The following FGF11 variants were observed in gnomAD, a reference collection of about 807,000 sequenced individuals.
FGF11 encodes fibroblast growth factor 11, also known as fibroblast growth factor homologous factor 3.
FGF11 carries 25 observed loss-of-function variants against 25.1 expected under a neutral mutation model. The observed-to-expected ratio is 1.00, with a 90% CI of 0.73 to 1.39. FGF11 has a LOEUF of 1.39. FGF11 is among the 40% of genes most tolerant of loss of function. The pLI is 0.00. For missense variants in FGF11, 320 were observed against 311.0 expected (o/e 1.03, Z -0.22); for synonymous variants, 130 against 128.9 (o/e 1.01, Z -0.06).
intron 1 of FGF11, chr17:7,441,205 C>G: frequency 2.7e-6 from 1 of 374,444 alleles, no homozygotes. Context: ...TCTGGTTGAG[C>G]TGTAGGGTAG....
chr17:7,444,797 C>A lies in FGF11; in HGVS notation c.*1651C>A. The A allele has an allele frequency of 2.1e-6, 1 of 469,760 alleles. No individual in the cohort carries two copies. The highest frequency in any genetic ancestry group is 2.3e-5 in the South Asian group (1 of 44,362). 29.1% of individuals were successfully genotyped at this position (469,760 alleles called of 1,614,324 possible). ...GGTCACTTTTCCTTAGGCTGTTCTA[C>A]TTCTGGCTTGTTGCAAGAGGAGTAG... On this transcript the variant is annotated 3_prime_UTR_variant, in exon 5 of 5. Coordinates refer to ENST00000293829, the MANE Select transcript of FGF11 (RefSeq NM_004112.4).
At position 7,439,675 on chromosome 17, in the gene FGF11, G is replaced by C; in HGVS notation, c.55G>C (p.Gly19Arg). The change falls in exon 1 of 5, where the codon GGG (glycine) becomes CGG (arginine). Residue 19 changes from glycine to arginine, a missense_variant. By Grantham distance (125) the Gly-to-Arg change is moderately radical (BLOSUM62 -2). Coordinates refer to ENST00000293829, the MANE Select transcript of FGF11 (RefSeq NM_004112.4). ...IRQKREVREP[G>R]GSRPVSAQRR... is the part of the protein sequence containing the mutation. ...GCAGAAGCGGGAGGTCCGCGAGCCC[G>C]GGGGCAGCCGGCCGGTGTCGGCGCA... 6.5e-7 allele frequency: 1 copy of C among 1,532,010 alleles called. No individual in the cohort carries two copies. The allele number at this position is 1,532,010 out of a possible 1,614,324, so 94.9% of individuals were successfully genotyped here.
upstream of FGF11, chr17:7,439,054 T>G (rs181426089): frequency 6.6e-6 from 1 of 151,830 alleles, no homozygotes; most frequent in Non-Finnish European, 1.5e-5. Context: ...GGGATTTCAG[T>G]GAAAAAAGTG....
chr17:7,440,058 TC>T lies in FGF11; in HGVS notation c.193+246del, dbSNP rs1908243391. 4 of 390,590 alleles carry T rather than the reference TC, an allele frequency of 1.0e-5. No individual in the cohort carries two copies. The highest frequency in any genetic ancestry group is 6.2e-5 in the African/African-American group (3 of 48,112). The allele number at this position is 390,590 out of a possible 1,614,324, so 24.2% of individuals were successfully genotyped here. The stretch of plus-strand genomic sequence containing the variant: ...GGGGCTGCCTGGCGCCCCGAAAGCC[TC>T]GTAGTTCCTGCTCGTCCCCCCTTCC... On this transcript the variant is annotated intron_variant, in intron 1 of 4. Coordinates refer to ENST00000293829, the MANE Select transcript of FGF11 (RefSeq NM_004112.4). This position sits in a 1 kb window ranked among gnomAD's most constrained non-coding sequence, Gnocchi z 5.4.
rs376331038 is a variant in FGF11, at chr17:7,441,461, C to G, written c.194-10C>G. 11 of 1,613,850 alleles carry G rather than the reference C, an allele frequency of 6.8e-6. No individual in the cohort carries two copies. The highest frequency in any genetic ancestry group is 1.6e-4 in the Middle Eastern group (1 of 6,084). On this transcript the variant is annotated splice_polypyrimidine_tract_variant and intron_variant, in intron 1 of 4. Transcript: ENST00000293829. ...ATGTCATTTTCAAAGATGAATGTCT[C>G]TCTCTCCAGAGCCTCAGCTCAAAGG... is the stretch of plus-strand genomic sequence containing the variant.
At position 7,444,524 on chromosome 17, in the gene FGF11, A is replaced by T. The variant is rs1454734432; in HGVS notation, c.*1378A>T. 1 of 158,288 alleles carries T rather than the reference A, an allele frequency of 6.3e-6. No individual in the cohort carries two copies. Among genetic ancestry groups the T allele is most frequent in the African/African-American group, 2.4e-5 (1 of 41,438 alleles). 9.8% of individuals were successfully genotyped at this position (158,288 alleles called of 1,614,324 possible). A position where few individuals can be genotyped will look rare whatever the true frequency, so the allele number is the denominator to read the frequency against. On this transcript the variant is annotated 3_prime_UTR_variant, in exon 5 of 5. Transcript: ENST00000293829. ...GAAGGGTGAAGGCCTCTTGCACTCC[A>T]GACCTCATACGCCCCAACAGCTTCT... is the stretch of plus-strand genomic sequence containing the variant.
intron 2 of FGF11, 74 bp downstream of exon 2, chr17:7,441,655 C>G: frequency 6.3e-7 from 1 of 1,595,646 alleles, no homozygotes. Context: ...ATTCCCTCTT[C>G]AGCTTCTGTT....
Position 7,441,849 on chromosome 17 carries a change from C to T in FGF11, c.378C>T (p.Ala126=), listed in dbSNP as rs1371722208. The change falls in exon 3 of 5, where the codon GCC becomes GCT. Residue 126 remains alanine (A), a synonymous_variant. Transcript: ENST00000293829. ...GCGCCAAGCTGGGTCACTACATGGC[C>T]ATGAATGCTGAGGGACTGCTCTACA... The part of the protein sequence containing the change: ...IQSAKLGHYM[A]MNAEGLLYSS... 6.2e-7 allele frequency: 1 copy of T among 1,612,102 alleles called. No individual in the cohort carries two copies. The highest frequency in any genetic ancestry group is 8.5e-7 in the Non-Finnish European group (1 of 1,179,050).
rs745838211 is a variant in FGF11, at chr17:7,441,924, C to T, written c.408+45C>T. The stretch of plus-strand genomic sequence containing the variant: ...TGGCCGGGAAATACTGGGGACTCCC[C>T]TTCCTCAATTTGTCCCTTGAGGGAA... On this transcript the variant is annotated intron_variant, in intron 3 of 4. Coordinates refer to ENST00000293829, the MANE Select transcript of FGF11 (RefSeq NM_004112.4). 5.2e-5 allele frequency: 73 copies of T among 1,400,246 alleles called. No individual in the cohort carries two copies. The Middle Eastern group carries it at 9.0e-4, about 17-fold the overall frequency. The allele number at this position is 1,400,246 out of a possible 1,614,324, so 86.7% of individuals were successfully genotyped here.
chr17:7,439,719 C>T lies in FGF11; in HGVS notation c.99C>T (p.Arg33=). The T allele has an allele frequency of 1.9e-6, 3 of 1,572,306 alleles. No homozygotes were observed. The highest frequency in any genetic ancestry group is 2.6e-6 in the Non-Finnish European group (3 of 1,164,068). ...PVSAQRRVCP[R]GTKSLCQKQL... ...CGGCGCAGCGGCGCGTGTGTCCCCG[C>T]GGCACCAAGTCCCTTTGCCAGAAGC... Residue 33 remains arginine, a synonymous_variant, in exon 1 of 5, where the codon CGC becomes CGT. Coordinates refer to ENST00000293829, the MANE Select transcript of FGF11 (RefSeq NM_004112.4).
At chr17:7,439,465 AGG>A, upstream of FGF11, 1 of 315,504 alleles carries the variant, frequency 3.2e-6, no homozygotes, top group South Asian at 3.9e-5. Flanking sequence ...GGGGTACGTG[AGG>A]GGGGGGGTCT....
Position 7,443,072 on chromosome 17 carries a change from A to G in FGF11, c.608-4A>G. On this transcript the variant is annotated splice_region_variant and splice_polypyrimidine_tract_variant and intron_variant, in intron 4 of 4. Transcript: ENST00000293829. The stretch of plus-strand genomic sequence containing the variant: ...CCCTGCTCCTCTCTTTCTCCCCTTC[A>G]CAGTGGCCATGTACCAGGAGCCTTC... 6.2e-7 allele frequency: 1 copy of G among 1,610,108 alleles called. No homozygotes were observed. The highest frequency in any genetic ancestry group is 1.7e-5 in the Admixed American group (1 of 59,916).
chr17:7,442,822 A>G (rs777421369), intron 4 of FGF11, 30 bp downstream of exon 4: 141 of 1,606,454 alleles, frequency 8.8e-5, no homozygotes, highest in Non-Finnish European at 1.2e-4. Context: ...AATGTGGGCC[A>G]CAGGAGAGGG....
Position 7,441,965 on chromosome 17 carries a change from A to G in FGF11, c.408+86A>G, listed in dbSNP as rs1034190097. 29 of 1,038,610 alleles carry G rather than the reference A, an allele frequency of 2.8e-5. No homozygotes were observed. In the African/African-American group the frequency reaches 4.5e-4, roughly 16 times the overall value. The allele number at this position is 1,038,610 out of a possible 1,614,324, so 64.3% of individuals were successfully genotyped here. ...CTTGAGGGAATGACAACCTTCCTCA[A>G]CTACAGACATTTTGCCCGGGACTCC... On this transcript the variant is annotated intron_variant, in intron 3 of 4. Transcript: ENST00000293829.
In FGF11 at chr17:7,439,671, G is replaced by T; in HGVS notation, c.51G>T (p.Glu17Asp). The T allele has an allele frequency of 1.3e-6, 2 of 1,531,188 alleles. No homozygotes were observed. Among genetic ancestry groups the T allele is most frequent in the Non-Finnish European group, 8.7e-7 (1 of 1,146,382 alleles). The allele number at this position is 1,531,188 out of a possible 1,614,324, so 94.9% of individuals were successfully genotyped here. ...TCCGGCAGAAGCGGGAGGTCCGCGA[G>T]CCCGGGGGCAGCCGGCCGGTGTCGG... Reference protein sequence around the residue: ...SLIRQKREVREPGGSRPVSAQ... With the variant: ...SLIRQKREVRDPGGSRPVSAQ... Residue 17 changes from glutamate (E) to aspartate (D), a missense_variant, in exon 1 of 5, where the codon GAG becomes GAT. Transcript: ENST00000293829.
intron 3 of FGF11, 37 bp from the exon 4 acceptor site, chr17:7,442,557 T>C (rs1251965618): frequency 4.3e-6 from 7 of 1,613,090 alleles, no homozygotes; most frequent in Non-Finnish European, 5.9e-6. Context: ...TTTATCTCTC[T>C]GTCTTTGTGC....
rs754761305 is a variant in FGF11 at position 7,443,110 on chromosome 17, C to G, written c.642C>G (p.Val214=). Residue 214 remains valine, a synonymous_variant, in exon 5 of 5, where the codon GTC becomes GTG. Transcript: ENST00000293829. ...ACCAGGAGCCTTCTCTCCACAGTGTCCCCGAGGCCTCCCCTTCCAGTCCCC... is the reference window on the plus strand; with the variant it reads ...ACCAGGAGCCTTCTCTCCACAGTGTGCCCGAGGCCTCCCCTTCCAGTCCCC... ...AMYQEPSLHS[V]PEASPSSPPA... is the part of the protein sequence containing the mutation. 2 of 1,611,948 alleles carry G rather than the reference C, an allele frequency of 1.2e-6. No homozygotes were observed. The highest frequency in any genetic ancestry group is 2.2e-5 in the East Asian group (1 of 44,862).
chr17:7,444,001 CG>C lies in FGF11; in HGVS notation c.*856del, dbSNP rs1202560672. 1 of 152,146 alleles carries C rather than the reference CG, an allele frequency of 6.6e-6. No individual in the cohort carries two copies. Among genetic ancestry groups the C allele is most frequent in the African/African-American group, 2.4e-5 (1 of 41,434 alleles). 9.4% of individuals were successfully genotyped at this position (152,146 alleles called of 1,614,324 possible). ...TAAGTAAGTTCTAGCCCCACCCTCC[CG>C]CCTTCTTGAGTGATACCTATTACGG... On this transcript the variant is annotated 3_prime_UTR_variant, in exon 5 of 5. Transcript: ENST00000293829.
chr17:7,438,757 CA>C (rs1908171522), upstream of FGF11, among the ~76,000 whole-genome samples: 1 of 151,900 alleles, frequency 6.6e-6, no homozygotes, highest in Admixed American at 6.6e-5. Flanking sequence ...AAGGGGCAGC[CA>C]GGGGAGAAAA....
Sources: allele counts gnomAD v4.1 joint callset (sites outside exome capture counted in the v4.1 genomes callset), GRCh38; gene constraint gnomAD v4.1.1; non-coding constraint Gnocchi (gnomAD v3.1); transcripts MANE v1.5; gene names NCBI Gene and HGNC (gene_info 2026-07-23, HGNC 2026-07-21).